The following AOPEP variants were observed in gnomAD, a reference collection of about 807,000 sequenced individuals.
AOPEP encodes the protein aminopeptidase O (putative).
A neutral mutation model predicts 98.1 loss-of-function variants in AOPEP; 77 were observed. That is an observed-to-expected ratio of 0.78 (90% confidence interval 0.65 to 0.95). The LOEUF (loss-of-function observed/expected upper bound fraction) is 0.95. AOPEP is among the 40% of genes least tolerant of loss of function. The pLI is 0.00. For missense variants in AOPEP, 1,024 were observed against 1,024.7 expected (o/e 1.00, Z 0.01); for synonymous variants, 346 against 365.3 (o/e 0.95, Z 0.60).
intron 1 of AOPEP, among the ~76,000 whole-genome samples, chr9:94,752,348 C>CTT (rs1300098685): frequency 1.4e-5 from 2 of 141,882 alleles, no homozygotes; most frequent in Admixed American, 7.0e-5. Context: ...ACACACAAGT[C>CTT]TCTCTCTCTC....
At chr9:94,956,053 T>C in intron 9 of AOPEP, 38 bp downstream of exon 9, 2 of 1,213,270 alleles carry the variant, frequency 1.6e-6, no homozygotes, top group South Asian at 2.5e-5. Context: ...GATGTATGAC[T>C]GGAGGGGGTA....
At chr9:95,078,997 G>A (rs948095380) in intron 14 of AOPEP, among the ~76,000 whole-genome samples, 5 of 152,188 alleles carry the variant, frequency 3.3e-5, no homozygotes, top group Non-Finnish European at 7.3e-5. Context: ...GTACAGGAAA[G>A]CACATTTTGT....
chr9:94,964,424 T>C (rs1298281885), intron 9 of AOPEP, among the ~76,000 whole-genome samples: 1 of 152,196 alleles, frequency 6.6e-6, no homozygotes, highest in African/African-American at 2.4e-5. Context: ...GATCCAATTG[T>C]AACTGGAAAA....
intron 5 of AOPEP, among the ~76,000 whole-genome samples, chr9:94,888,294 CGT>C (rs59342995): frequency 0.021 from 2,840 of 137,658 alleles, 86 homozygotes; most frequent in African/African-American, 0.069. Context: ...AGAACCTTAC[CGT>C]GTGTGTGTGT....
In AOPEP at chr9:94,955,243, T is replaced by A. The variant is rs746809060; in HGVS notation, c.1728T>A (p.Asn576Lys). The change falls in exon 8 of 17, where the codon AAT becomes AAA. Residue 576 changes from asparagine to lysine, a missense_variant. Around this residue, in one of 3 missense-constraint regions of AOPEP, gnomAD observed 566 missense variants for 551.7 expected, o/e 1.03. Transcript: ENST00000375315. The part of the protein sequence containing the change: ...SGASVIKHGL[N>K]PEKIFMQVHY... ...CATCTGTTATCAAGCATGGACTTAA[T>A]CCGGAGAAGATCTTCATGCAGGTGC... The A allele has an allele frequency of 1.2e-6, 2 of 1,613,662 alleles. No homozygotes were observed. The highest frequency in any genetic ancestry group is 1.7e-6 in the Non-Finnish European group (2 of 1,179,862).
chr9:94,932,853 A>G, intron 7 of AOPEP: 1 of 985,250 alleles, frequency 1.0e-6, no homozygotes, highest in Non-Finnish European at 1.2e-6. Flanking sequence ...ACTTCCTTGT[A>G]AGTCATTCGT....
chr9:94,729,763 C>T (rs1297206412), intron 1 of AOPEP, among the ~76,000 whole-genome samples: 2 of 152,038 alleles, frequency 1.3e-5, no homozygotes, highest in East Asian at 1.9e-4. Context: ...TGTCTCAAGA[C>T]GTTGCCAAAT....
At position 95,080,681 on chromosome 9, in the gene AOPEP, C is replaced by A. The variant is rs761814916; in HGVS notation, c.2233-13C>A. On this transcript the variant is annotated splice_polypyrimidine_tract_variant and intron_variant, in intron 14 of 16. Coordinates refer to ENST00000375315, the MANE Select transcript of AOPEP (RefSeq NM_001193329.3). ...CTGCTTGTCGCTCACTGGGCTCTCT[C>A]TTGTTCCTCCAGGTTCGCCATCGGT... 6.2e-7 allele frequency: 1 copy of A among 1,610,684 alleles called. No individual in the cohort carries two copies. Among genetic ancestry groups the A allele is most frequent in the Non-Finnish European group, 8.5e-7 (1 of 1,178,070 alleles).
chr9:94,847,162 TC>T (rs2042969067), intron 5 of AOPEP, among the ~76,000 whole-genome samples: 2 of 3,692 alleles, frequency 5.4e-4, no homozygotes, highest in Admixed American at 1.5e-3. Context: ...ACTCTCTCTG[TC>T]TCTCTCTCTC....
chr9:94,955,281 T>C lies in AOPEP; in HGVS notation c.1764+2T>C. On this transcript the variant is annotated splice_donor_variant, in intron 8 of 16. Transcript: ENST00000375315. LOFTEE classifies it high-confidence loss of function. Reference sequence around the variant, plus strand: ...TTCATGCAGGTGCATTATTTAAAGGTAAGCACATGTCAGTTGCAGAAGCCA... The same window carrying C: ...TTCATGCAGGTGCATTATTTAAAGGCAAGCACATGTCAGTTGCAGAAGCCA... 1 of 1,595,206 alleles carries C rather than the reference T, an allele frequency of 6.3e-7. No homozygotes were observed. The highest frequency in any genetic ancestry group is 2.2e-5 in the East Asian group (1 of 44,796).
chr9:95,053,966 A>G (rs1312395189), intron 13 of AOPEP, among the ~76,000 whole-genome samples: 1 of 152,098 alleles, frequency 6.6e-6, no homozygotes, highest in African/African-American at 2.4e-5. Context: ...TCTCCTGTCT[A>G]GACCTCCCAG....
At chr9:95,000,322 C>T (rs1241580699) in intron 11 of AOPEP, among the ~76,000 whole-genome samples, 1 of 152,214 alleles carries the variant, frequency 6.6e-6, no homozygotes, top group Non-Finnish European at 1.5e-5. Flanking sequence ...ACCCTCTAAA[C>T]ATCCTTTATG....
chr9:95,067,728 AAGT>A (rs1411017327), intron 14 of AOPEP, among the ~76,000 whole-genome samples: 1 of 152,170 alleles, frequency 6.6e-6, no homozygotes, highest in Non-Finnish European at 1.5e-5. Flanking sequence ...ACCCATTTTA[AAGT>A]ATACAATTCA....
chr9:95,041,115 C>A lies in AOPEP; in HGVS notation c.2116-19579C>A, dbSNP rs78168934. Among the ~76,000 whole-genome samples the A allele has an allele frequency of 6.9e-3, 1,044 of 151,254 alleles. 10 individuals carry two copies. Among genetic ancestry groups the A allele is most frequent in the African/African-American group, 0.024 (991 of 41,230 alleles). On this transcript the variant is annotated intron_variant, in intron 13 of 16. Coordinates refer to ENST00000375315, the MANE Select transcript of AOPEP (RefSeq NM_001193329.3). ...TATGTGAATTGCAATAAATAACAGG[C>A]TCTCACGTTTTACCAGTTCTTTTTA...
At chr9:94,883,102 AG>A (rs1279373143) in intron 5 of AOPEP, among the ~76,000 whole-genome samples, 1 of 152,202 alleles carries the variant, frequency 6.6e-6, no homozygotes, top group Non-Finnish European at 1.5e-5. Flanking sequence ...TTGGGATTTG[AG>A]AGAAAACTCA....
chr9:94,956,424 T>C (rs1295201344), intron 9 of AOPEP, among the ~76,000 whole-genome samples: 1 of 152,226 alleles, frequency 6.6e-6, no homozygotes, highest in Non-Finnish European at 1.5e-5. Flanking sequence ...ATTGCCTTCA[T>C]TGTCATTGCC....
chr9:94,910,416 C>T (rs561459937), intron 5 of AOPEP, among the ~76,000 whole-genome samples: 1 of 152,350 alleles, frequency 6.6e-6, no homozygotes, highest in South Asian at 2.1e-4. Context: ...CGAGCGAGGA[C>T]TGGGTCTCGG....
chr9:94,797,703 C>CT (rs1298082623), intron 4 of AOPEP, among the ~76,000 whole-genome samples: 8,201 of 130,060 alleles, frequency 0.063, 348 homozygotes, highest in African/African-American at 0.1. Context: ...TCTCTCATAC[C>CT]TTTTTTTTTT....
chr9:95,006,276 G>T, intron 13 of AOPEP: 1 of 341,168 alleles, frequency 2.9e-6, no homozygotes. Flanking sequence ...ATAATTTTTT[G>T]ACAAATATTA....
Sources: gnomAD v4.1 joint callset for allele counts (sites outside exome capture counted in the v4.1 genomes callset) on GRCh38, gnomAD v4.1.1 for gene constraint, gnomAD v4.1.1 regional missense constraint, MANE v1.5 for transcripts, NCBI Gene and HGNC (gene_info 2026-07-23, HGNC 2026-07-21) for gene names.